Variants in PDE8B observed in about 807,000 individuals in gnomAD.
PDE8B encodes high affinity cAMP-specific and IBMX-insensitive 3',5'-cyclic phosphodiesterase 8B.
PDE8B carries 26 observed loss-of-function variants against 101.3 expected under a neutral mutation model. That is an observed-to-expected ratio of 0.26 (90% CI 0.19 to 0.36). The LOEUF is 0.36. Ranked by LOEUF, PDE8B falls within the 10% of genes least tolerant of loss-of-function variation. The pLI, the probability that PDE8B is intolerant of heterozygous loss-of-function variation, is 1.00. For synonymous variants in PDE8B, 424 were observed against 429.3 expected (o/e 0.99, Z 0.15); for missense variants, 810 against 1,163.1 (o/e 0.70, Z 4.42).
intron 10 of PDE8B, among the ~76,000 whole-genome samples, chr5:77,365,646 G>T (rs1295968190): frequency 6.6e-6 from 1 of 152,236 alleles, no homozygotes; most frequent in Non-Finnish European, 1.5e-5. Flanking sequence ...CTGAGAGACA[G>T]GGGCCTGTGT....
chr5:77,177,412 GATA>G, the PDE8B span, among the ~76,000 whole-genome samples: 6 of 151,794 alleles, frequency 4.0e-5, no homozygotes, highest in Non-Finnish European at 2.9e-5. Flanking sequence ...AGAGACTGAT[GATA>G]ATAAGTAATA....
intron 1 of PDE8B, among the ~76,000 whole-genome samples, chr5:77,217,738 C>T (rs1198613057): frequency 7.9e-5 from 12 of 152,050 alleles, no homozygotes; most frequent in Non-Finnish European, 1.2e-4. Context: ...GGTCTCGCCA[C>T]GTTACCCAGG....
At chr5:77,341,206 C>T (rs561633734) in intron 6 of PDE8B, among the ~76,000 whole-genome samples, 1 of 152,102 alleles carries the variant, frequency 6.6e-6, no homozygotes, top group Non-Finnish European at 1.5e-5. Context: ...ATAGAACCAT[C>T]AACCAAAGAG....
chr5:77,255,742 G>A (rs79244870), intron 1 of PDE8B, among the ~76,000 whole-genome samples: 16,037 of 152,288 alleles, frequency 0.11, 1,069 homozygotes, highest in East Asian at 0.27. Flanking sequence ...GCATGTGTGG[G>A]AAGGTTGAGG....
the PDE8B span, chr5:77,118,506 G>A: frequency 1.3e-5 from 5 of 397,658 alleles, no homozygotes; most frequent in African/African-American, 8.2e-5. Context: ...CCTAGGTCTT[G>A]TATGAAACCT....
chr5:77,097,899 G>A, the PDE8B span, among the ~76,000 whole-genome samples: 1 of 149,958 alleles, frequency 6.7e-6, no homozygotes, highest in Admixed American at 6.7e-5. Context: ...TTACTATTTG[G>A]TGGGTGAATG....
the PDE8B span, among the ~76,000 whole-genome samples, chr5:77,130,247 A>C: frequency 6.6e-6 from 1 of 152,228 alleles, no homozygotes; most frequent in Non-Finnish European, 1.5e-5. Flanking sequence ...AGCTATCTGC[A>C]AAAGTTGTGT....
chr5:77,422,353 A>G (rs1327913908), intron 20 of PDE8B, among the ~76,000 whole-genome samples: 1 of 152,214 alleles, frequency 6.6e-6, no homozygotes, highest in African/African-American at 2.4e-5. Context: ...TAGTGAAGAC[A>G]TCGCGGCCAC....
At chr5:77,388,474 C>A (rs1333292123) in intron 10 of PDE8B, among the ~76,000 whole-genome samples, 2 of 152,194 alleles carry the variant, frequency 1.3e-5, no homozygotes, top group East Asian at 3.9e-4. Context: ...CAGCCAGATG[C>A]CAGCCAGAGC....
chr5:77,189,629 T>G, the PDE8B span, among the ~76,000 whole-genome samples: 1 of 152,170 alleles, frequency 6.6e-6, no homozygotes, highest in South Asian at 2.1e-4. Context: ...TGAAGGAGCA[T>G]GTCGGCATGC....
At chr5:77,115,599 C>A in the PDE8B span, among the ~76,000 whole-genome samples, 1 of 152,050 alleles carries the variant, frequency 6.6e-6, no homozygotes, top group Non-Finnish European at 1.5e-5. Flanking sequence ...ACTTTCTGAA[C>A]GTTTGCTTAA....
chr5:77,350,642 C>T (rs113127372), intron 8 of PDE8B, among the ~76,000 whole-genome samples: 11 of 152,120 alleles, frequency 7.2e-5, no homozygotes, highest in Middle Eastern at 3.4e-3. Flanking sequence ...TGAATTTATA[C>T]GCAGATTTTC....
intron 10 of PDE8B, 47 bp from the exon 11 acceptor site, chr5:77,400,201 T>G (rs1167574118): frequency 1.6e-6 from 2 of 1,282,318 alleles, no homozygotes; most frequent in East Asian, 4.6e-5. Context: ...GCAAATGGCA[T>G]ATTTAAAATC....
chr5:77,098,659 C>G, the PDE8B span: 1 of 152,154 alleles, frequency 6.6e-6, no homozygotes, highest in African/African-American at 2.4e-5. Flanking sequence ...TAACAGAACA[C>G]CAGAGACTGG....
the PDE8B span, chr5:77,113,439 G>A: frequency 6.6e-6 from 1 of 152,230 alleles, no homozygotes; most frequent in Non-Finnish European, 1.5e-5. Flanking sequence ...AATAAATGGT[G>A]CTGGGAAAAC....
chr5:77,427,874 T>TAAAC lies in PDE8B; in HGVS notation c.*1326_*1329dup, dbSNP rs574165539. 2.8e-4 allele frequency: 42 copies of TAAAC among 152,206 alleles called. No individual in the cohort carries two copies. Among genetic ancestry groups the TAAAC allele is most frequent in the African/African-American group, 9.4e-4 (39 of 41,460 alleles). The allele number at this position is 152,206 out of a possible 1,614,324, so 9.4% of individuals were successfully genotyped here. A position where few individuals can be genotyped will look rare whatever the true frequency, so the allele number is the denominator to read the frequency against. ...CTTCATGCTGCATTTTTAAAAGGTA[T>TAAAC]AAACAAACAGAGACTGAATTAATTG... On this transcript the variant is annotated 3_prime_UTR_variant, in exon 22 of 22. Coordinates refer to ENST00000264917, the MANE Select transcript of PDE8B (RefSeq NM_003719.5).
chr5:77,397,520 A>G (rs1239794167), intron 10 of PDE8B, among the ~76,000 whole-genome samples: 1 of 152,186 alleles, frequency 6.6e-6, no homozygotes, highest in African/African-American at 2.4e-5. Flanking sequence ...CCACCCAAAG[A>G]CATGACTCAG....
the PDE8B span, among the ~76,000 whole-genome samples, chr5:77,149,890 A>ATCAAACACC: frequency 1.3e-5 from 2 of 152,230 alleles, no homozygotes; most frequent in Non-Finnish European, 2.9e-5. Flanking sequence ...CCTCACCTGG[A>ATCAAACACC]TCACAGTATT....
chr5:77,140,833 T>G, the PDE8B span: 1 of 152,196 alleles, frequency 6.6e-6, no homozygotes, highest in East Asian at 1.9e-4. Flanking sequence ...TCAGATGTGT[T>G]TGCCATACAG....
Sources: allele counts gnomAD v4.1 joint callset (sites outside exome capture counted in the v4.1 genomes callset), GRCh38; gene constraint gnomAD v4.1.1; transcripts MANE v1.5; gene names NCBI Gene and HGNC (gene_info 2026-07-23, HGNC 2026-07-21).